INSYN2B: variants seen among roughly 807,000 people sequenced by gnomAD.
INSYN2B encodes the protein protein INSYN2B.
In INSYN2B, 16 loss-of-function variants were observed where a neutral mutation model predicts 41.2. The observed-to-expected ratio is 0.39, with a 90% CI of 0.26 to 0.59. The LOEUF (loss-of-function observed/expected upper bound fraction) is 0.59. INSYN2B is among the 20% of genes least tolerant of loss of function. INSYN2B has a pLI of 0.57. For synonymous variants in INSYN2B, 245 were observed against 244.4 expected (o/e 1.00, Z -0.02); for missense variants, 608 against 646.4 (o/e 0.94, Z 0.64).
At chr5:169,979,474 G>GAGGT (rs1168628430) in intron 1 of INSYN2B, among the ~76,000 whole-genome samples, 2 of 152,194 alleles carry the variant, frequency 1.3e-5, no homozygotes, top group East Asian at 3.9e-4. Flanking sequence ...TATGACAAAA[G>GAGGT]AGGTGGTTTT....
chr5:169,971,168 T>G (rs1581487642), intron 1 of INSYN2B, among the ~76,000 whole-genome samples: 6 of 143,088 alleles, frequency 4.2e-5, no homozygotes, highest in South Asian at 2.2e-4. Flanking sequence ...AGGCAAGAGG[T>G]GAACAGAGGG....
chr5:169,892,007 A>AAAAAAG (rs1166046828), intron 1 of INSYN2B, among the ~76,000 whole-genome samples: 2 of 151,874 alleles, frequency 1.3e-5, no homozygotes, highest in African/African-American at 4.8e-5. Flanking sequence ...AAAAAAAAAA[A>AAAAAAG]AAAAAGAAAA....
intron 1 of INSYN2B, among the ~76,000 whole-genome samples, chr5:169,939,261 C>T (rs1776133140): frequency 6.7e-6 from 1 of 150,058 alleles, no homozygotes; most frequent in South Asian, 2.2e-4. Flanking sequence ...CACAAACACA[C>T]ACAGGAGCCT....
chr5:169,896,353 G>A (rs1232368628), intron 1 of INSYN2B, among the ~76,000 whole-genome samples: 2 of 152,150 alleles, frequency 1.3e-5, no homozygotes, highest in Non-Finnish European at 2.9e-5. Flanking sequence ...GTGTGGCATG[G>A]TGGACAAGAG....
intron 1 of INSYN2B, among the ~76,000 whole-genome samples, chr5:169,946,090 C>G (rs1776437026): frequency 6.6e-6 from 1 of 152,210 alleles, no homozygotes; most frequent in Admixed American, 6.5e-5. Context: ...CAGGAAGCCC[C>G]AGTTCACTCT....
intron 1 of INSYN2B, among the ~76,000 whole-genome samples, chr5:169,959,724 A>C (rs1777006176): frequency 6.6e-6 from 1 of 152,228 alleles, no homozygotes; most frequent in Non-Finnish European, 1.5e-5. Context: ...TAGATATTTT[A>C]CTAACAGGTG....
chr5:169,950,240 C>T (rs1264302020), intron 1 of INSYN2B, among the ~76,000 whole-genome samples: 1 of 152,180 alleles, frequency 6.6e-6, no homozygotes, highest in Admixed American at 6.5e-5. Context: ...CTCCATGCCC[C>T]TAGAGAAAGT....
At chr5:169,873,232 G>A (rs969625953) in intron 3 of INSYN2B, among the ~76,000 whole-genome samples, 2 of 152,196 alleles carry the variant, frequency 1.3e-5, no homozygotes, top group African/African-American at 4.8e-5. Context: ...AAGGGGTAAA[G>A]CCATTCAAGA....
chr5:169,867,520 T>C (rs1206520022), intron 3 of INSYN2B, among the ~76,000 whole-genome samples: 1 of 151,078 alleles, frequency 6.6e-6, no homozygotes, highest in Non-Finnish European at 1.5e-5. Context: ...TTTATCTATC[T>C]ATCATCTATC....
intron 1 of INSYN2B, among the ~76,000 whole-genome samples, chr5:169,916,866 TAGTA>T (rs1358170415): frequency 6.6e-6 from 1 of 152,170 alleles, no homozygotes; most frequent in Non-Finnish European, 1.5e-5. Context: ...GTCACATAGC[TAGTA>T]AGTAATGGGG....
intron 1 of INSYN2B, among the ~76,000 whole-genome samples, chr5:169,912,021 T>C (rs1774623836): frequency 6.6e-6 from 1 of 152,244 alleles, no homozygotes; most frequent in Non-Finnish European, 1.5e-5. Context: ...CTAGAGGGCA[T>C]GGGCTAACTG....
At chr5:169,928,703 T>C (rs1370509413) in intron 1 of INSYN2B, among the ~76,000 whole-genome samples, 1 of 152,140 alleles carries the variant, frequency 6.6e-6, no homozygotes, top group African/African-American at 2.4e-5. Context: ...GAAAAAAATA[T>C]GATTTCTCAA....
intron 1 of INSYN2B, among the ~76,000 whole-genome samples, chr5:169,954,516 C>A (rs79455220): frequency 1.3e-5 from 2 of 152,182 alleles, no homozygotes; most frequent in Non-Finnish European, 1.5e-5. Flanking sequence ...TGGCCACCCC[C>A]CTGAAGCTGT....
At chr5:169,904,546 T>G (rs779856774) in intron 1 of INSYN2B, among the ~76,000 whole-genome samples, 1 of 151,948 alleles carries the variant, frequency 6.6e-6, no homozygotes, top group Non-Finnish European at 1.5e-5. Flanking sequence ...GGCAGAGAGC[T>G]CAGGCCTTTA....
intron 3 of INSYN2B, among the ~76,000 whole-genome samples, chr5:169,877,271 A>G (rs542875946): frequency 7.7e-4 from 118 of 152,328 alleles, no homozygotes; most frequent in African/African-American, 2.8e-3. Context: ...GGGGAGTGAC[A>G]TGGTCAGATT....
intron 1 of INSYN2B, among the ~76,000 whole-genome samples, chr5:169,889,446 C>G (rs1773161815): frequency 6.6e-6 from 1 of 152,178 alleles, no homozygotes. Flanking sequence ...TAAGAAAGGA[C>G]CTTGTAATGC....
chr5:169,914,736 C>T (rs1774783575), intron 1 of INSYN2B, among the ~76,000 whole-genome samples: 1 of 152,216 alleles, frequency 6.6e-6, no homozygotes, highest in Non-Finnish European at 1.5e-5. Flanking sequence ...CTGTAGCCTT[C>T]TGGTGGGGCA....
chr5:169,968,196 G>T (rs534452109), intron 1 of INSYN2B, among the ~76,000 whole-genome samples: 1 of 152,292 alleles, frequency 6.6e-6, no homozygotes, highest in African/African-American at 2.4e-5. Flanking sequence ...CCCCAATCAT[G>T]GGCTGGTTGT....
chr5:169,885,729 C>T (rs1772933032), intron 1 of INSYN2B, among the ~76,000 whole-genome samples: 1 of 152,238 alleles, frequency 6.6e-6, no homozygotes, highest in South Asian at 2.1e-4. Context: ...ATAACTCATT[C>T]ATTAATCACA....
Sources: allele counts gnomAD v4.1 joint callset (sites outside exome capture counted in the v4.1 genomes callset), GRCh38; gene constraint gnomAD v4.1.1; transcripts MANE v1.5; gene names NCBI Gene and HGNC (gene_info 2026-07-23, HGNC 2026-07-21).